Variants in CFAP47 observed in about 807,000 individuals in gnomAD.
CFAP47 encodes the protein cilia- and flagella-associated protein 47.
A neutral mutation model predicts 148.1 loss-of-function variants in CFAP47; 29 were observed. The ratio of observed to expected loss-of-function variants is 0.20; its 90% CI spans 0.15 to 0.27. The LOEUF (loss-of-function observed/expected upper bound fraction) is 0.27. CFAP47 is among the 10% of genes least tolerant of loss of function. The pLI is 1.00. For missense variants in CFAP47, 1,872 were observed against 1,697.5 expected, an observed-to-expected ratio of 1.10 and a Z score of -1.81; for synonymous variants, 664 against 577.3, an observed-to-expected ratio of 1.15 and a Z score of -2.15.
At chrX:36,233,585 G>C (rs782636026) in intron 46 of CFAP47, among the ~76,000 whole-genome samples, 5 of 111,581 alleles carry the variant, frequency 4.5e-5, no homozygotes, top group Admixed American at 9.5e-5. Flanking sequence ...CAGTCAGTGT[G>C]TTTTAATTGG....
rs2146978598 is a variant in CFAP47 at position 36,341,010 on chromosome X, A to ATGG, written c.8444-7116_8444-7114dup. Among the ~76,000 whole-genome samples, 3 of 107,264 alleles carry ATGG rather than the reference A, an allele frequency of 2.8e-5. No individual in the cohort carries two copies. In the East Asian group the frequency reaches 8.7e-4, roughly 31 times the overall value. 93.1% of individuals were successfully genotyped at this position (107,264 alleles called of 115,157 possible). On this transcript the variant is annotated intron_variant, in intron 57 of 63. Coordinates refer to ENST00000378653, the MANE Select transcript of CFAP47 (RefSeq NM_001304548.2). ...TAAAGCAAAAATAATAGTACTACTT[A>ATGG]TGGTGCTAGTATATTTCTTTTCTTT...
intron 16 of CFAP47, chrX:35,989,807 T>A (rs1288461359): frequency 4.5e-6 from 1 of 221,633 alleles, no homozygotes; most frequent in Non-Finnish European, 8.0e-6. Context: ...TGTACCAAAT[T>A]TCCCACTCAA....
intron 21 of CFAP47, among the ~76,000 whole-genome samples, chrX:36,010,033 G>T (rs1389046019): frequency 1.8e-5 from 2 of 110,627 alleles, no homozygotes; most frequent in Non-Finnish European, 3.8e-5. Context: ...GGAATAACAG[G>T]GTCGACCATC....
chrX:36,253,919 T>C (rs1555998572), intron 49 of CFAP47, among the ~76,000 whole-genome samples: 2 of 111,725 alleles, frequency 1.8e-5, no homozygotes, highest in Non-Finnish European at 3.8e-5. Flanking sequence ...CCTCAGGACC[T>C]AGATCAGGCA....
chrX:36,368,872 A>C (rs1941903796), intron 62 of CFAP47, among the ~76,000 whole-genome samples: 1 of 111,478 alleles, frequency 9.0e-6, no homozygotes, highest in Non-Finnish European at 1.9e-5. Flanking sequence ...TCTTTGATCA[A>C]CCTGATCAGT....
At chrX:36,372,273 C>A (rs966100821) in intron 62 of CFAP47, among the ~76,000 whole-genome samples, 1 of 110,701 alleles carries the variant, frequency 9.0e-6, no homozygotes, top group Non-Finnish European at 1.9e-5. Flanking sequence ...GGATTTAGAA[C>A]ATCTTGGTGA....
chrX:36,065,865 T>A, intron 27 of CFAP47, 122 bp downstream of exon 27: 1 of 421,755 alleles, frequency 2.4e-6, no homozygotes, highest in Non-Finnish European at 4.2e-6. Flanking sequence ...TGATAGAAGC[T>A]GTGCTTGTCA....
At chrX:36,224,488 C>G in intron 45 of CFAP47, among the ~76,000 whole-genome samples, 1 of 111,754 alleles carries the variant, frequency 8.9e-6, no homozygotes, top group Non-Finnish European at 1.9e-5. Flanking sequence ...TATAGTCTCC[C>G]TTTCCTCGTT....
chrX:36,104,929 A>G (rs894758498), intron 33 of CFAP47, among the ~76,000 whole-genome samples: 6 of 112,320 alleles, frequency 5.3e-5, no homozygotes, highest in Non-Finnish European at 1.1e-4. Flanking sequence ...AACTGATTTT[A>G]AAAGCATATG....
At chrX:36,207,060 G>C (rs1555988878) in intron 45 of CFAP47, among the ~76,000 whole-genome samples, 1 of 111,672 alleles carries the variant, frequency 9.0e-6, no homozygotes, top group African/African-American at 3.2e-5. Context: ...ACTCAGGATA[G>C]TAACAAATGA....
intron 2 of CFAP47, among the ~76,000 whole-genome samples, chrX:35,932,618 A>G (rs1193562369): frequency 9.4e-6 from 1 of 106,266 alleles, no homozygotes; most frequent in Non-Finnish European, 1.9e-5. Flanking sequence ...TTTCTGAAGA[A>G]CTTTATTATA....
At chrX:36,341,105 G>A (rs1408607736) in intron 57 of CFAP47, among the ~76,000 whole-genome samples, 8 of 103,793 alleles carry the variant, frequency 7.7e-5, no homozygotes, top group Admixed American at 1.1e-4. Context: ...GTGCGATCTC[G>A]GCTCACTGCA....
At chrX:36,066,049 A>G (rs1937636106) in intron 27 of CFAP47, among the ~76,000 whole-genome samples, 1 of 111,965 alleles carries the variant, frequency 8.9e-6, no homozygotes, top group Non-Finnish European at 1.9e-5. Flanking sequence ...AGCAGTGGGA[A>G]CCTTCTGTCA....
intron 26 of CFAP47, among the ~76,000 whole-genome samples, chrX:36,063,714 A>G (rs1937612972): frequency 8.9e-6 from 1 of 112,065 alleles, no homozygotes; most frequent in African/African-American, 3.2e-5. Context: ...TTTGTCCACA[A>G]GCTCACTTTT....
chrX:36,016,805 C>T (rs1333054214), intron 22 of CFAP47, among the ~76,000 whole-genome samples: 1 of 105,786 alleles, frequency 9.5e-6, no homozygotes, highest in Non-Finnish European at 1.9e-5. Context: ...GGGTTCCTTC[C>T]CTTTTCTCCG....
chrX:35,950,694 C>T (rs1418585513), intron 4 of CFAP47, among the ~76,000 whole-genome samples: 1 of 110,804 alleles, frequency 9.0e-6, no homozygotes, highest in Non-Finnish European at 1.9e-5. Flanking sequence ...TACTGAGGTA[C>T]GTTAGATTGT....
At chrX:36,211,199 A>G (rs1940096146) in intron 45 of CFAP47, 1 of 242,414 alleles carries the variant, frequency 4.1e-6, no homozygotes, top group Non-Finnish European at 7.7e-6. Flanking sequence ...GAGCACAAGA[A>G]GAAACAACTA....
chrX:35,928,405 AATG>A (rs781327606), intron 2 of CFAP47, among the ~76,000 whole-genome samples: 3 of 111,748 alleles, frequency 2.7e-5, no homozygotes, highest in Non-Finnish European at 3.8e-5. Flanking sequence ...CCCAATGAAT[AATG>A]ATGTTGACAA....
In CFAP47 at chrX:36,073,331, C is replaced by A. The variant is rs370222918; in HGVS notation, c.4658C>A (p.Pro1553His). ...AGTCTCTTTGGCTGGCCTGAAGGAC[C>A]CCATTCTTTTTCTATTCCAGAGACT... ...WFSLFGWPEG[P>H]HSFSIPETIR... Residue 1553 changes from proline (P) to histidine (H), a missense_variant, in exon 29 of 64, where the codon CCC becomes CAC. Transcript: ENST00000378653. The A allele has an allele frequency of 5.0e-6, 6 of 1,204,896 alleles. No homozygotes were observed. Among genetic ancestry groups the A allele is most frequent in the Non-Finnish European group, 6.7e-6 (6 of 891,636 alleles).
Sources: allele counts gnomAD v4.1 joint callset (sites outside exome capture counted in the v4.1 genomes callset), GRCh38; gene constraint gnomAD v4.1.1; transcripts MANE v1.5; gene names NCBI Gene and HGNC (gene_info 2026-07-23, HGNC 2026-07-21).